The following GHR variants were observed in gnomAD, a reference collection of about 807,000 sequenced individuals.
GHR encodes growth hormone receptor.
GHR carries 35 observed loss-of-function variants against 67.1 expected under a neutral mutation model. That is an observed-to-expected ratio of 0.52 (90% confidence interval 0.40 to 0.69). GHR has a LOEUF of 0.69. Among genes scored for constraint, GHR ranks in the 30% least tolerant of loss-of-function variants. GHR has a pLI of 0.00. For missense variants in GHR, 792 were observed against 764.6 expected (o/e 1.04, Z -0.42); for synonymous variants, 272 against 269.1 (o/e 1.01, Z -0.10).
intron 1 of GHR, among the ~76,000 whole-genome samples, chr5:42,477,711 C>G (rs1343544030): frequency 6.6e-6 from 1 of 152,182 alleles, no homozygotes; most frequent in Non-Finnish European, 1.5e-5. Context: ...ATATCCCTCA[C>G]CCACTTTTTG....
chr5:42,678,998 GAATT>G (rs1032370637), intron 3 of GHR, among the ~76,000 whole-genome samples: 2 of 144,512 alleles, frequency 1.4e-5, no homozygotes, highest in Non-Finnish European at 3.0e-5. Flanking sequence ...TAATTAATAT[GAATT>G]AATAACATAT....
At chr5:42,566,044 AAGTTTTACATAGC>A in intron 2 of GHR, 100 bp downstream of exon 2, 1 of 1,381,628 alleles carries the variant, frequency 7.2e-7, no homozygotes, top group Admixed American at 1.7e-5. Flanking sequence ...TAAAAGATGC[AAGTTTTACATAGC>A]AGCAAAAAGG....
chr5:42,509,887 T>A (rs1746937079), intron 1 of GHR, among the ~76,000 whole-genome samples: 1 of 152,256 alleles, frequency 6.6e-6, no homozygotes, highest in African/African-American at 2.4e-5. Flanking sequence ...CAGTATCTGA[T>A]GGGCATTTGA....
intron 1 of GHR, among the ~76,000 whole-genome samples, chr5:42,481,118 A>G: frequency 6.6e-6 from 1 of 150,920 alleles, no homozygotes. Context: ...GCTTGTCTGT[A>G]AAGTATTTTA....
Position 42,579,132 on chromosome 5 carries a change from TAG to T in GHR, c.70+13190_70+13191del, listed in dbSNP as rs1561138840. On this transcript the variant is annotated intron_variant, in intron 2 of 9. Transcript: ENST00000230882. Reference sequence around the variant, plus strand: ...ATAGATAGATAGATAGATAGATAGATAGATAGATGATAGATAGATATAGATAG... The same window carrying T: ...ATAGATAGATAGATAGATAGATAGATATAGATGATAGATAGATATAGATAG... Among the ~76,000 whole-genome samples, 134 of 81,484 alleles carry T rather than the reference TAG, an allele frequency of 1.6e-3. 1 individual carries two copies. The highest frequency in any genetic ancestry group is 0.011 in the South Asian group (33 of 3,050). The allele number at this position is 81,484 out of a possible 152,430, so 53.5% of individuals were successfully genotyped here. A position where few individuals can be genotyped will look rare whatever the true frequency, so the allele number is the denominator to read the frequency against.
chr5:42,525,069 C>T (rs1747648239), intron 1 of GHR, among the ~76,000 whole-genome samples: 1 of 152,216 alleles, frequency 6.6e-6, no homozygotes, highest in Admixed American at 6.5e-5. Context: ...CACACAGAGT[C>T]CCTGCTGGGG....
intron 2 of GHR, among the ~76,000 whole-genome samples, chr5:42,574,977 C>T (rs1750568824): frequency 6.6e-6 from 1 of 152,154 alleles, no homozygotes; most frequent in Admixed American, 6.5e-5. Context: ...ATATAAATTA[C>T]TGATTTATTT....
At chr5:42,475,588 A>ATTT (rs577019409) in intron 1 of GHR, among the ~76,000 whole-genome samples, 2 of 145,224 alleles carry the variant, frequency 1.4e-5, no homozygotes, top group African/African-American at 5.1e-5. Context: ...GTAATTATGT[A>ATTT]TTTTTTTTTT....
intron 2 of GHR, among the ~76,000 whole-genome samples, chr5:42,572,350 A>T (rs1446163118): frequency 6.6e-6 from 1 of 152,156 alleles, no homozygotes. Context: ...GCAGCAGGCA[A>T]TGTGGCTCCA....
chr5:42,684,612 A>G (rs1757047371), intron 3 of GHR, among the ~76,000 whole-genome samples: 1 of 152,162 alleles, frequency 6.6e-6, no homozygotes, highest in Admixed American at 6.5e-5. Flanking sequence ...GTGGGCTCGT[A>G]CACCTCAGTG....
At chr5:42,503,818 G>C (rs902971434) in intron 1 of GHR, among the ~76,000 whole-genome samples, 7 of 152,030 alleles carry the variant, frequency 4.6e-5, no homozygotes, top group Non-Finnish European at 1.0e-4. Flanking sequence ...AGAACTGAAG[G>C]ACATAAAAGG....
intron 3 of GHR, among the ~76,000 whole-genome samples, chr5:42,674,408 G>A (rs1440911452): frequency 2.0e-5 from 3 of 151,958 alleles, no homozygotes; most frequent in Non-Finnish European, 4.4e-5. Context: ...AGTGGTTTTT[G>A]GTATATTCAC....
At chr5:42,679,740 T>A (rs1378882888) in intron 3 of GHR, among the ~76,000 whole-genome samples, 1 of 152,176 alleles carries the variant, frequency 6.6e-6, no homozygotes, top group African/African-American at 2.4e-5. Context: ...TGCCTCAGTG[T>A]CATCTATTCA....
At chr5:42,610,105 T>G (rs904219779) in intron 2 of GHR, among the ~76,000 whole-genome samples, 1 of 152,122 alleles carries the variant, frequency 6.6e-6, no homozygotes, top group Non-Finnish European at 1.5e-5. Context: ...GAAAGGAAAT[T>G]TCTAAAGGAG....
chr5:42,619,072 G>GC (rs1368056010), intron 2 of GHR, among the ~76,000 whole-genome samples: 4 of 152,002 alleles, frequency 2.6e-5, no homozygotes, highest in Admixed American at 2.6e-4. Flanking sequence ...ATACCACATA[G>GC]CTTAAGGACC....
intron 3 of GHR, among the ~76,000 whole-genome samples, chr5:42,659,924 C>T (rs374457898): frequency 5.9e-5 from 9 of 152,166 alleles, no homozygotes; most frequent in East Asian, 1.9e-4. Flanking sequence ...GCTTTTCTGA[C>T]GGGCTTAAAA....
At chr5:42,700,439 G>C (rs990273223) in intron 6 of GHR, among the ~76,000 whole-genome samples, 2 of 152,122 alleles carry the variant, frequency 1.3e-5, no homozygotes, top group African/African-American at 4.8e-5. Flanking sequence ...GGAAAACAGA[G>C]GGAGGGAATT....
At chr5:42,655,908 A>T (rs1755231959) in intron 3 of GHR, among the ~76,000 whole-genome samples, 1 of 152,154 alleles carries the variant, frequency 6.6e-6, no homozygotes, top group Non-Finnish European at 1.5e-5. Flanking sequence ...TCTAGGGTTA[A>T]GAAAAGTATT....
chr5:42,532,489 G>C (rs774239407), intron 1 of GHR, among the ~76,000 whole-genome samples: 1 of 151,970 alleles, frequency 6.6e-6, no homozygotes, highest in Non-Finnish European at 1.5e-5. Context: ...GCTGTTATTC[G>C]TAAAGAAACA....
Sources: gnomAD v4.1 joint callset for allele counts (sites outside exome capture counted in the v4.1 genomes callset) on GRCh38, gnomAD v4.1.1 for gene constraint, MANE v1.5 for transcripts, NCBI Gene and HGNC (gene_info 2026-07-23, HGNC 2026-07-21) for gene names.